ADAM20: variants seen among roughly 807,000 people sequenced by gnomAD.
ADAM20 encodes the protein ADAM metallopeptidase domain 20.
For missense variants in ADAM20, 871 were observed against 883.2 expected (o/e 0.99, Z 0.18); for synonymous variants, 305 against 310.2 (o/e 0.98, Z 0.18).
chr14:70,530,958 C>T (rs993918461), intron 1 of ADAM20, among the ~76,000 whole-genome samples: 1 of 149,238 alleles, frequency 6.7e-6, no homozygotes, highest in African/African-American at 2.4e-5. Flanking sequence ...GAAGAAAAAA[C>T]TACGCTGAAA....
chr14:70,546,084 C>T, the ADAM20 span, among the ~76,000 whole-genome samples: 2 of 151,982 alleles, frequency 1.3e-5, no homozygotes, highest in Admixed American at 6.6e-5. Context: ...GGAAATTCGA[C>T]AATAAGCTCC....
chr14:70,562,991 C>G, the ADAM20 span, among the ~76,000 whole-genome samples: 4 of 152,184 alleles, frequency 2.6e-5, no homozygotes, highest in Non-Finnish European at 5.9e-5. Context: ...GTCTGCCAAC[C>G]ATACTCCCTA....
At chr14:70,569,083 G>A in the ADAM20 span, among the ~76,000 whole-genome samples, 2 of 152,058 alleles carry the variant, frequency 1.3e-5, no homozygotes, top group African/African-American at 4.8e-5. Context: ...AGACTTCTCA[G>A]CAGAAACCTT....
the ADAM20 span, among the ~76,000 whole-genome samples, chr14:70,554,044 T>A: frequency 6.6e-6 from 1 of 152,030 alleles, no homozygotes; most frequent in African/African-American, 2.4e-5. Flanking sequence ...ACCTAAAGAC[T>A]CCACCAAAAA....
At chr14:70,546,730 T>A in the ADAM20 span, among the ~76,000 whole-genome samples, 1 of 151,854 alleles carries the variant, frequency 6.6e-6, no homozygotes, top group East Asian at 1.9e-4. Flanking sequence ...ATAAACAACC[T>A]AACAATGCAT....
chr14:70,544,870 T>A, the ADAM20 span, among the ~76,000 whole-genome samples: 2 of 152,254 alleles, frequency 1.3e-5, no homozygotes, highest in African/African-American at 4.8e-5. Flanking sequence ...TTTAAATTTT[T>A]AAAAAATATT....
chr14:70,525,083 G>A, intron 1 of ADAM20, 150 bp from the exon 2 acceptor site: 2 of 681,336 alleles, frequency 2.9e-6, no homozygotes, highest in East Asian at 5.6e-5. Context: ...TTTCCAGATA[G>A]GGGAGATTGC....
chr14:70,558,367 AG>A, the ADAM20 span, among the ~76,000 whole-genome samples: 5 of 152,260 alleles, frequency 3.3e-5, no homozygotes, highest in Non-Finnish European at 7.3e-5. Flanking sequence ...GCTACTAGAA[AG>A]GAACCCTGGA....
At chr14:70,576,250 A>G in the ADAM20 span, among the ~76,000 whole-genome samples, 1 of 152,310 alleles carries the variant, frequency 6.6e-6, no homozygotes, top group South Asian at 2.1e-4. Flanking sequence ...AAAAGAGACA[A>G]CTATCAATGC....
upstream of ADAM20, among the ~76,000 whole-genome samples, chr14:70,536,224 G>A (rs1157939680): frequency 6.6e-6 from 1 of 152,056 alleles, no homozygotes; most frequent in Non-Finnish European, 1.5e-5. Flanking sequence ...CTAGCACTTT[G>A]AGAGGTTGAG....
the ADAM20 span, among the ~76,000 whole-genome samples, chr14:70,567,299 T>C: frequency 6.6e-6 from 1 of 152,182 alleles, no homozygotes; most frequent in Non-Finnish European, 1.5e-5. Flanking sequence ...ACTCTGGCTT[T>C]GGCAAGCACA....
At chr14:70,530,117 C>T (rs11629015) in intron 1 of ADAM20, among the ~76,000 whole-genome samples, 47 of 152,274 alleles carry the variant, frequency 3.1e-4, no homozygotes, top group Non-Finnish European at 6.3e-4. Flanking sequence ...CCTATCTCTA[C>T]TAAAAATACA....
the ADAM20 span, among the ~76,000 whole-genome samples, chr14:70,554,783 A>G: frequency 6.6e-6 from 1 of 152,210 alleles, no homozygotes; most frequent in Admixed American, 6.5e-5. Context: ...CAAGGAGTAC[A>G]AAGTTTTGTT....
chr14:70,526,934 G>A (rs1331140526), intron 1 of ADAM20, among the ~76,000 whole-genome samples: 4 of 152,064 alleles, frequency 2.6e-5, no homozygotes, highest in Non-Finnish European at 4.4e-5. Context: ...CAATGTAGTG[G>A]GCCACAACCA....
the ADAM20 span, among the ~76,000 whole-genome samples, chr14:70,560,765 C>T: frequency 2.0e-5 from 3 of 152,156 alleles, no homozygotes; most frequent in Non-Finnish European, 4.4e-5. Context: ...CTTGCTTCCC[C>T]TTCACCTTCC....
chr14:70,526,827 T>C (rs1883600107), intron 1 of ADAM20, among the ~76,000 whole-genome samples: 1 of 152,144 alleles, frequency 6.6e-6, no homozygotes, highest in Admixed American at 6.5e-5. Flanking sequence ...CCAGTAACAA[T>C]TTAAAACTCA....
intron 1 of ADAM20, among the ~76,000 whole-genome samples, chr14:70,531,643 ATGAAT>A (rs1468809145): frequency 6.6e-6 from 1 of 152,142 alleles, no homozygotes; most frequent in African/African-American, 2.4e-5. Flanking sequence ...TAGCTAATAA[ATGAAT>A]TCAACAAAGT....
chr14:70,522,553 G>C lies in ADAM20; in HGVS notation c.*24C>G. The C allele has an allele frequency of 6.6e-7, 1 of 1,522,758 alleles. No individual in the cohort carries two copies. The highest frequency in any genetic ancestry group is 1.4e-5 in the African/African-American group (1 of 71,624). 94.3% of individuals were successfully genotyped at this position (1,522,758 alleles called of 1,614,324 possible). Reference sequence around the variant, plus strand: ...TATTAAAAATGAAGTATAAAGTTTAGTCTCCTTCTTTTTCCCATTTCTCTT... The same window carrying C: ...TATTAAAAATGAAGTATAAAGTTTACTCTCCTTCTTTTTCCCATTTCTCTT... On this transcript the variant is annotated 3_prime_UTR_variant, in exon 2 of 2. Coordinates refer to ENST00000256389, the MANE Select transcript of ADAM20 (RefSeq NM_003814.5).
chr14:70,523,510 T>C lies in ADAM20; in HGVS notation c.1248A>G (p.Glu416=). The change falls in exon 2 of 2, where the codon GAA becomes GAG. Residue 416 remains glutamate, a synonymous_variant. Transcript: ENST00000256389. Reference sequence around the variant, plus strand: ...TTCCACAGTCACATTCCTCCCCTTCTTCAACCACTAGATTCCCACAGTACT... The same window carrying C: ...TTCCACAGTCACATTCCTCCCCTTCCTCAACCACTAGATTCCCACAGTACT... ...RLKYCGNLVV[E]EGEECDCGTI... is the part of the protein sequence containing the mutation. 6.2e-7 allele frequency: 1 copy of C among 1,614,112 alleles called. No individual in the cohort carries two copies. Among genetic ancestry groups the C allele is most frequent in the African/African-American group, 1.3e-5 (1 of 75,056 alleles).
Sources: allele counts gnomAD v4.1 joint callset (sites outside exome capture counted in the v4.1 genomes callset), GRCh38; gene constraint gnomAD v4.1.1; transcripts MANE v1.5; gene names NCBI Gene and HGNC (gene_info 2026-07-23, HGNC 2026-07-21).